IL34: variants seen among roughly 807,000 people sequenced by gnomAD.
The protein encoded by IL34 is interleukin-34.
A neutral mutation model predicts 25.3 loss-of-function variants in IL34; 17 were observed. That is an observed-to-expected ratio of 0.67 (90% CI 0.46 to 1.01). The LOEUF (loss-of-function observed/expected upper bound fraction) is 1.01. Ranked by LOEUF, IL34 falls within the 50% of genes least tolerant of loss-of-function variation. The pLI is 0.00. For synonymous variants in IL34, 174 were observed against 140.9 expected (o/e 1.23, Z -1.66); for missense variants, 368 against 312.9 (o/e 1.18, Z -1.33).
chr16:70,599,355 C>CTCTTTCTT, intron 1 of IL34, among the ~76,000 whole-genome samples: 2 of 94,442 alleles, frequency 2.1e-5, no homozygotes, highest in Admixed American at 1.1e-4. Flanking sequence ...CTTTCTTTCT[C>CTCTTTCTT]TCTTTCTCTT....
At chr16:70,601,927 C>T (rs988966856) in intron 1 of IL34, among the ~76,000 whole-genome samples, 6 of 152,206 alleles carry the variant, frequency 3.9e-5, no homozygotes, top group African/African-American at 9.7e-5. Context: ...TCAGGGAGAC[C>T]GAAGGGCAAG....
chr16:70,585,108 C>T (rs1207502059), intron 1 of IL34, among the ~76,000 whole-genome samples: 2 of 152,202 alleles, frequency 1.3e-5, no homozygotes, highest in African/African-American at 4.8e-5. Context: ...CCCCAAACTC[C>T]CCATTTCCCT....
At chr16:70,629,677 C>G (rs1227565809) in intron 1 of IL34, among the ~76,000 whole-genome samples, 1 of 151,540 alleles carries the variant, frequency 6.6e-6, no homozygotes, top group African/African-American at 2.4e-5. Flanking sequence ...CAGAAACAAT[C>G]ATTGTAGACC....
intron 1 of IL34, among the ~76,000 whole-genome samples, chr16:70,624,177 G>T (rs571967405): frequency 1.3e-5 from 2 of 151,996 alleles, no homozygotes; most frequent in African/African-American, 2.4e-5. Context: ...CAGATGGGAC[G>T]CGGCTTAGGA....
intron 1 of IL34, among the ~76,000 whole-genome samples, chr16:70,632,813 G>A (rs1008949100): frequency 6.6e-6 from 1 of 152,160 alleles, no homozygotes; most frequent in African/African-American, 2.4e-5. Context: ...GTAGCATTGG[G>A]CTGGCCTTCT....
chr16:70,651,160 G>A (rs1163080085), intron 1 of IL34, among the ~76,000 whole-genome samples: 3 of 152,124 alleles, frequency 2.0e-5, no homozygotes, highest in Admixed American at 6.6e-5. Flanking sequence ...GATGCAGAAA[G>A]GGGAGACCCT....
intron 1 of IL34, among the ~76,000 whole-genome samples, chr16:70,620,562 G>C (rs1350941605): frequency 6.6e-6 from 1 of 152,152 alleles, no homozygotes; most frequent in Non-Finnish European, 1.5e-5. Flanking sequence ...GAAAGACTCA[G>C]CGACACTTGG....
Position 70,627,458 on chromosome 16 carries a change from C to T in IL34, c.-400-19090C>T, listed in dbSNP as rs113668490. On this transcript the variant is annotated intron_variant, in intron 1 of 6. Transcript: ENST00000429149. ...CCTCCCCCTCCGCTCCCCTCCCCCT[C>T]CTCCCCCTTCCCTCCCCTCTTCTTT... Among the ~76,000 whole-genome samples the T allele has an allele frequency of 1.4e-3, 201 of 144,118 alleles. 3 individuals are homozygous for T. Among genetic ancestry groups the T allele is most frequent in the African/African-American group, 4.9e-3 (182 of 37,422 alleles). The allele number at this position is 144,118 out of a possible 152,430, so 94.5% of individuals were successfully genotyped here.
intron 1 of IL34, among the ~76,000 whole-genome samples, chr16:70,598,043 G>C (rs998921711): frequency 1.3e-5 from 2 of 152,038 alleles, no homozygotes; most frequent in Admixed American, 1.3e-4. Context: ...ACGGGGTTTC[G>C]CCATGTTGGC....
At chr16:70,626,960 CTGTTT>C (rs2051407526) in intron 1 of IL34, among the ~76,000 whole-genome samples, 1 of 152,148 alleles carries the variant, frequency 6.6e-6, no homozygotes, top group South Asian at 2.1e-4. Flanking sequence ...CAAGTTCCCA[CTGTTT>C]TGTTTATTAA....
chr16:70,626,563 A>T (rs2051398670), intron 1 of IL34, among the ~76,000 whole-genome samples: 1 of 151,812 alleles, frequency 6.6e-6, no homozygotes, highest in South Asian at 2.1e-4. Context: ...CGCCCGGCTA[A>T]TTTTGTATTT....
At chr16:70,604,315 C>T (rs145773029) in intron 1 of IL34, among the ~76,000 whole-genome samples, 1 of 152,330 alleles carries the variant, frequency 6.6e-6, no homozygotes, top group African/African-American at 2.4e-5. Flanking sequence ...AGACTGTACT[C>T]ACAAGTGGGG....
chr16:70,659,577 C>A, intron 4 of IL34, 41 bp from the exon 5 acceptor site: 1 of 1,572,740 alleles, frequency 6.4e-7, no homozygotes. Flanking sequence ...TGGGGTGCGG[C>A]CCCATCTCGC....
At chr16:70,590,571 G>A (rs2050741467) in intron 1 of IL34, among the ~76,000 whole-genome samples, 2 of 152,184 alleles carry the variant, frequency 1.3e-5, no homozygotes, top group Non-Finnish European at 2.9e-5. Context: ...CTTGTCCCAG[G>A]TCTAGCCCAA....
intron 1 of IL34, among the ~76,000 whole-genome samples, chr16:70,650,314 A>G (rs1030286662): frequency 1.3e-5 from 2 of 152,160 alleles, no homozygotes; most frequent in African/African-American, 4.8e-5. Flanking sequence ...TGCCCTTAGC[A>G]ATGATGTTTG....
At position 70,624,005 on chromosome 16, in the gene IL34, G is replaced by A. The variant is rs541318847; in HGVS notation, c.-400-22543G>A. Among the ~76,000 whole-genome samples, 137 of 151,402 alleles carry A rather than the reference G, an allele frequency of 9.0e-4. 2 individuals are homozygous for A. The highest frequency in any genetic ancestry group is 2.7e-3 in the African/African-American group (111 of 41,322). On this transcript the variant is annotated intron_variant, in intron 1 of 6. Coordinates refer to the IL34 transcript ENST00000429149. ...CTGTGAGAGTTACTCGAAGCTCGGC[G>A]TCTGTGATGGTCTACGGGGCTTTCG...
intron 1 of IL34, among the ~76,000 whole-genome samples, chr16:70,648,785 G>C (rs761749175): frequency 6.6e-6 from 1 of 152,040 alleles, no homozygotes; most frequent in Non-Finnish European, 1.5e-5. Context: ...AGAGCAACAG[G>C]AATGTGTCGT....
intron 1 of IL34, among the ~76,000 whole-genome samples, chr16:70,585,687 T>TC (rs1034191722): frequency 2.7e-5 from 4 of 148,942 alleles, no homozygotes; most frequent in African/African-American, 7.6e-5. Context: ...AGACTCTGTC[T>TC]TAAAAAAAAA....
At chr16:70,596,244 C>T (rs571678915) in intron 1 of IL34, among the ~76,000 whole-genome samples, 7 of 152,284 alleles carry the variant, frequency 4.6e-5, no homozygotes, top group African/African-American at 1.4e-4. Flanking sequence ...CCCACCATCA[C>T]GACCTCATCA....
Sources: allele counts gnomAD v4.1 joint callset (sites outside exome capture counted in the v4.1 genomes callset), GRCh38; gene constraint gnomAD v4.1.1; transcripts MANE v1.5; gene names NCBI Gene and HGNC (gene_info 2026-07-23, HGNC 2026-07-21).